The following TSC22D1 variants were observed in gnomAD, a reference collection of about 807,000 sequenced individuals.
The protein encoded by TSC22D1 is TSC22 domain family member 1.
In TSC22D1, 9 loss-of-function variants were observed where a neutral mutation model predicts 74.2. The ratio of observed to expected loss-of-function variants is 0.12; its 90% CI spans 0.07 to 0.21. The LOEUF (loss-of-function observed/expected upper bound fraction) is 0.21, where lower values mean the gene tolerates loss of function less well. Ranked by LOEUF, TSC22D1 falls within the 10% of genes least tolerant of loss-of-function variation. TSC22D1 has a pLI of 1.00. For synonymous variants in TSC22D1, 586 were observed against 492.5 expected, an observed-to-expected ratio of 1.19 and a Z score of -2.51; for missense variants, 1,427 against 1,304.7, an observed-to-expected ratio of 1.09 and a Z score of -1.44.
At chr13:44,450,651 T>C (rs1017364412) in intron 1 of TSC22D1, among the ~76,000 whole-genome samples, 3 of 152,180 alleles carry the variant, frequency 2.0e-5, no homozygotes, top group African/African-American at 7.2e-5. Flanking sequence ...TTCTGGATTA[T>C]GTGAACAGGT....
chr13:44,551,389 G>GGTGGGGGTGTGTGTGTGTGT (rs1298469090), intron 1 of TSC22D1, among the ~76,000 whole-genome samples: 2 of 125,252 alleles, frequency 1.6e-5, no homozygotes, highest in African/African-American at 6.2e-5. Context: ...CAATCAGATG[G>GGTGGGGGTGTGTGTGTGTGT]GTGTGTGTGT....
chr13:44,541,085 G>T (rs767014221), intron 1 of TSC22D1, among the ~76,000 whole-genome samples: 4 of 152,118 alleles, frequency 2.6e-5, no homozygotes, highest in Non-Finnish European at 4.4e-5. Flanking sequence ...TATCACAAGG[G>T]TTCCTTACCT....
chr13:44,507,694 G>T (rs749674332), intron 1 of TSC22D1, among the ~76,000 whole-genome samples: 3 of 152,194 alleles, frequency 2.0e-5, no homozygotes, highest in Admixed American at 1.3e-4. Flanking sequence ...AAACAAAACC[G>T]CATTAAGAAA....
chr13:44,555,264 A>G (rs978589849), intron 1 of TSC22D1, among the ~76,000 whole-genome samples: 2 of 148,860 alleles, frequency 1.3e-5, no homozygotes, highest in Non-Finnish European at 3.0e-5. Flanking sequence ...GCCCTTGTGA[A>G]TTTTTTTTTT....
chr13:44,438,356 T>C (rs535167992), intron 1 of TSC22D1, among the ~76,000 whole-genome samples: 2 of 152,192 alleles, frequency 1.3e-5, no homozygotes, highest in Admixed American at 6.5e-5. Flanking sequence ...AATAAGCATC[T>C]TTCCTCAAGC....
At chr13:44,571,217 G>A (rs886281008) in intron 1 of TSC22D1, among the ~76,000 whole-genome samples, 4 of 152,150 alleles carry the variant, frequency 2.6e-5, no homozygotes, top group African/African-American at 9.7e-5. Flanking sequence ...ACTTGTATTA[G>A]AGCTATATTT....
chr13:44,447,833 C>CTTTTTTTTTTTTTTT (rs5803260), intron 1 of TSC22D1, among the ~76,000 whole-genome samples: 1 of 129,470 alleles, frequency 7.7e-6, no homozygotes, highest in Non-Finnish European at 1.6e-5. Flanking sequence ...AATGCCTTTT[C>CTTTTTTTTTTTTTTT]TTTTTTTTTT....
chr13:44,499,964 G>C (rs1879149437), intron 1 of TSC22D1, among the ~76,000 whole-genome samples: 1 of 151,912 alleles, frequency 6.6e-6, no homozygotes, highest in South Asian at 2.1e-4. Context: ...GCAGGTGCTT[G>C]TAATCCCAGC....
chr13:44,511,778 G>C (rs1408919463), intron 1 of TSC22D1, among the ~76,000 whole-genome samples: 2 of 151,918 alleles, frequency 1.3e-5, no homozygotes, highest in Admixed American at 6.5e-5. Context: ...ACAATCTTTA[G>C]AGGAAGTAGT....
At chr13:44,491,874 C>T (rs969924056) in intron 1 of TSC22D1, among the ~76,000 whole-genome samples, 4 of 152,108 alleles carry the variant, frequency 2.6e-5, no homozygotes, top group Admixed American at 6.5e-5. Context: ...GAAAACAATG[C>T]GATATCATCT....
intron 1 of TSC22D1, among the ~76,000 whole-genome samples, chr13:44,494,487 G>A (rs1337146197): frequency 6.6e-6 from 1 of 150,576 alleles, no homozygotes; most frequent in Admixed American, 6.6e-5. Context: ...GAGCCTGGGA[G>A]GTCAAGGCTG....
chr13:44,492,972 C>T (rs1460730679), intron 1 of TSC22D1, among the ~76,000 whole-genome samples: 1 of 152,070 alleles, frequency 6.6e-6, no homozygotes, highest in Non-Finnish European at 1.5e-5. Flanking sequence ...AGCTCAGAAA[C>T]TCTTCTATCA....
At chr13:44,482,031 C>A (rs1454693019) in intron 1 of TSC22D1, among the ~76,000 whole-genome samples, 4 of 152,082 alleles carry the variant, frequency 2.6e-5, no homozygotes, top group Non-Finnish European at 5.9e-5. Flanking sequence ...ATCAGCTTTT[C>A]AAATATAAAG....
chr13:44,567,543 T>G (rs936849068), intron 1 of TSC22D1, among the ~76,000 whole-genome samples: 2 of 151,736 alleles, frequency 1.3e-5, no homozygotes, highest in African/African-American at 2.4e-5. Flanking sequence ...TTTTATATAT[T>G]CAGATAGCTA....
At chr13:44,455,416 C>CT (rs774909655) in intron 1 of TSC22D1, among the ~76,000 whole-genome samples, 7 of 152,158 alleles carry the variant, frequency 4.6e-5, no homozygotes, top group Admixed American at 6.5e-5. Context: ...CTGAAAGACT[C>CT]TTTTTTAAAG....
In TSC22D1 at chr13:44,433,827, GTTT is replaced by G. The variant is rs1874263711; in HGVS notation, c.*796_*798del. On this transcript the variant is annotated 3_prime_UTR_variant, in exon 3 of 3. Transcript: ENST00000458659. ...AATTCTTAAAATTTCTTTAGGTGTG[GTTT>G]TTGTCATGTAGCAGTTTTTATGTAG... 1.5e-6 allele frequency: 1 copy of G among 657,294 alleles called. No individual in the cohort carries two copies. Among genetic ancestry groups the G allele is most frequent in the Non-Finnish European group, 2.3e-6 (1 of 426,942 alleles). The allele number at this position is 657,294 out of a possible 1,614,324, so 40.7% of individuals were successfully genotyped here. A position where few individuals can be genotyped will look rare whatever the true frequency, so the allele number is the denominator to read the frequency against.
chr13:44,468,711 C>CA (rs1173649272), intron 1 of TSC22D1, among the ~76,000 whole-genome samples: 3 of 149,904 alleles, frequency 2.0e-5, no homozygotes, highest in African/African-American at 7.3e-5. Context: ...AAATCAGACA[C>CA]AAAATCAACA....
At chr13:44,479,235 T>C (rs1206072143) in intron 1 of TSC22D1, among the ~76,000 whole-genome samples, 1 of 152,124 alleles carries the variant, frequency 6.6e-6, no homozygotes, top group Non-Finnish European at 1.5e-5. Context: ...TACACCAAGC[T>C]TGCCCAACCC....
At chr13:44,436,457 A>G (rs1874638631) in intron 1 of TSC22D1, 1 of 1,594,932 alleles carries the variant, frequency 6.3e-7, no homozygotes, top group Non-Finnish European at 8.6e-7. Context: ...TATTATTATA[A>G]GTATCCCACG....
Sources: allele counts gnomAD v4.1 joint callset (sites outside exome capture counted in the v4.1 genomes callset), GRCh38; gene constraint gnomAD v4.1.1; transcripts MANE v1.5; gene names NCBI Gene and HGNC (gene_info 2026-07-23, HGNC 2026-07-21).